Variants in PCDHA3 observed in about 807,000 individuals in gnomAD.
PCDHA3 encodes the protein protocadherin alpha 3, also known as protocadherin alpha-3.
In PCDHA3, 41 loss-of-function variants were observed where a neutral mutation model predicts 62.2. The observed-to-expected ratio is 0.66, with a 90% CI of 0.51 to 0.86. The LOEUF is 0.86. Among genes scored for constraint, PCDHA3 ranks in the 40% least tolerant of loss-of-function variants. The probability of loss-of-function intolerance (pLI) is 0.00; values close to 1 mark genes in which losing one functional copy is unlikely to be tolerated. For synonymous variants in PCDHA3, 640 were observed against 555.4 expected, an observed-to-expected ratio of 1.15 and a Z score of -2.14; for missense variants, 1,304 against 1,241.2, an observed-to-expected ratio of 1.05 and a Z score of -0.76.
chr5:140,882,174 C>T (rs868925922), intron 1 of PCDHA3: 1 of 1,514,752 alleles, frequency 6.6e-7, no homozygotes. Context: ...CGAATCCTTC[C>T]GCACTAGGAA....
chr5:140,852,939 T>C (rs995213458), intron 1 of PCDHA3: 2 of 590,456 alleles, frequency 3.4e-6, no homozygotes, highest in Non-Finnish European at 4.4e-6. Context: ...AGTGCAGTGG[T>C]GCCATCTTGG....
chr5:140,881,283 A>T, intron 1 of PCDHA3: 1 of 799,388 alleles, frequency 1.3e-6, no homozygotes, highest in Non-Finnish European at 1.5e-6. Flanking sequence ...TAAGATGGAG[A>T]GAGAAAATGG....
At chr5:140,982,795 AT>A (rs2097005249) in intron 3 of PCDHA3, among the ~76,000 whole-genome samples, 1 of 151,516 alleles carries the variant, frequency 6.6e-6, no homozygotes, top group African/African-American at 2.4e-5. Flanking sequence ...GCATGTGTGC[AT>A]GTGTGTGTGT....
chr5:140,945,124 C>T (rs269553), intron 1 of PCDHA3, among the ~76,000 whole-genome samples: 48,193 of 151,846 alleles, frequency 0.32, 7,977 homozygotes, highest in East Asian at 0.53. Flanking sequence ...AAAAAATCAA[C>T]TTACAAAAAT....
intron 1 of PCDHA3, among the ~76,000 whole-genome samples, chr5:140,952,726 A>C (rs2094788337): frequency 6.6e-6 from 1 of 152,188 alleles, no homozygotes; most frequent in African/African-American, 2.4e-5. Context: ...TTTCTGTACT[A>C]GTCTTTTCTC....
chr5:140,803,263 C>G lies in PCDHA3; in HGVS notation c.2066C>G (p.Pro689Arg). The G allele has an allele frequency of 6.2e-7, 1 of 1,613,934 alleles. No homozygotes were observed. Among genetic ancestry groups the G allele is most frequent in the Non-Finnish European group, 8.5e-7 (1 of 1,179,960 alleles). ...SSQASAGATG[P>R]EAALVDVNVY... ...CAGGCGTCCGCTGGCGCCACGGGCCCGGAAGCTGCACTGGTGGATGTCAAC... is the reference window on the plus strand; with the variant it reads ...CAGGCGTCCGCTGGCGCCACGGGCCGGGAAGCTGCACTGGTGGATGTCAAC... The change falls in exon 1 of 4, where the codon CCG becomes CGG. Residue 689 changes from proline to arginine, a missense_variant. Transcript: ENST00000522353.
chr5:140,860,827 T>G (rs1554153817), intron 1 of PCDHA3: 6 of 152,210 alleles, frequency 3.9e-5, no homozygotes, highest in Admixed American at 2.6e-4. Context: ...AAGCTCCGCC[T>G]CCCAGGTTCA....
At chr5:140,927,400 C>G (rs782428365) in intron 1 of PCDHA3, 11 of 1,614,126 alleles carry the variant, frequency 6.8e-6, no homozygotes, top group Non-Finnish European at 8.5e-6. Flanking sequence ...TCAGCACTTT[C>G]GCCTGGACAT....
chr5:140,974,605 G>T (rs2096633635), intron 1 of PCDHA3, among the ~76,000 whole-genome samples: 1 of 152,088 alleles, frequency 6.6e-6, no homozygotes, highest in Non-Finnish European at 1.5e-5. Context: ...TCTGCCTCCA[G>T]GGTTCAAGCG....
chr5:140,837,516 C>CA (rs149634951), intron 1 of PCDHA3, among the ~76,000 whole-genome samples: 2,511 of 151,672 alleles, frequency 0.017, 104 homozygotes, highest in African/African-American at 0.056. Flanking sequence ...AAGCAGTTTA[C>CA]TTTTTTTGTA....
At chr5:141,006,169 A>G (rs553035949) in intron 3 of PCDHA3, among the ~76,000 whole-genome samples, 4 of 149,840 alleles carry the variant, frequency 2.7e-5, no homozygotes, top group Non-Finnish European at 5.9e-5. Flanking sequence ...TCTGATTTAT[A>G]TTTTTAAAAG....
intron 1 of PCDHA3, chr5:140,967,795 G>A (rs1399903836): frequency 3.1e-6 from 5 of 1,614,068 alleles, no homozygotes; most frequent in Non-Finnish European, 1.7e-6. Context: ...GGGGTCCAGT[G>A]CCCATGGCAG....
At chr5:140,909,519 T>C (rs975700982) in intron 1 of PCDHA3, among the ~76,000 whole-genome samples, 4 of 152,214 alleles carry the variant, frequency 2.6e-5, no homozygotes, top group Non-Finnish European at 4.4e-5. Context: ...TCACAACCCC[T>C]GCACATTTTG....
At chr5:140,942,681 A>G (rs1554215168) in intron 1 of PCDHA3, among the ~76,000 whole-genome samples, 1 of 152,206 alleles carries the variant, frequency 6.6e-6, no homozygotes, top group African/African-American at 2.4e-5. Flanking sequence ...AGTTTTAGGA[A>G]TAACTTTAAT....
At chr5:140,969,775 G>A (rs879968185) in intron 1 of PCDHA3, among the ~76,000 whole-genome samples, 9 of 152,174 alleles carry the variant, frequency 5.9e-5, no homozygotes, top group Admixed American at 5.9e-4. Flanking sequence ...GCCTCTAGGG[G>A]CTATCATAGT....
At chr5:140,803,864 G>C (rs1763295768) in intron 1 of PCDHA3, 8 of 570,842 alleles carry the variant, frequency 1.4e-5, no homozygotes. Context: ...CTGGGTATAA[G>C]ACAAATATTT....
intron 1 of PCDHA3, chr5:140,871,324 T>G (rs1554165430): frequency 3.1e-6 from 5 of 1,614,048 alleles, no homozygotes; most frequent in Non-Finnish European, 4.2e-6. Flanking sequence ...GCTGGTGTGC[T>G]CCCGCGCGGT....
At chr5:140,967,279 T>A in intron 1 of PCDHA3, 1 of 1,613,002 alleles carries the variant, frequency 6.2e-7, no homozygotes, top group Non-Finnish European at 8.5e-7. Context: ...ACATAGAGAG[T>A]GCGCAGGACC....
rs782337552 is a variant in PCDHA3, at chr5:140,856,686, C to G, written c.2394+53095C>G. On this transcript the variant is annotated intron_variant, in intron 1 of 3. Transcript: ENST00000522353. ...CCTCAGCTAAAGTTGTTGTTGACAG[C>G]AACTGATGGAGGCAAACCTGAATTT... is the stretch of plus-strand genomic sequence containing the variant. The G allele has an allele frequency of 1.9e-6, 3 of 1,597,202 alleles. No individual in the cohort carries two copies. The East Asian group carries it at 6.7e-5, about 36-fold the overall frequency.
Sources: allele counts gnomAD v4.1 joint callset (sites outside exome capture counted in the v4.1 genomes callset), GRCh38; gene constraint gnomAD v4.1.1; transcripts MANE v1.5; gene names NCBI Gene and HGNC (gene_info 2026-07-23, HGNC 2026-07-21).